The following UNC13C variants were observed in gnomAD, a reference collection of about 807,000 sequenced individuals.
The protein encoded by UNC13C is protein unc-13 homolog C.
In UNC13C, 174 loss-of-function variants were observed where a neutral mutation model predicts 245.4. The observed-to-expected ratio is 0.71, with a 90% CI of 0.63 to 0.80. UNC13C has a LOEUF of 0.80. Ranked by LOEUF, UNC13C falls within the 30% of genes least tolerant of loss-of-function variation. The pLI is 0.00. For synonymous variants in UNC13C, 992 were observed against 895.1 expected (o/e 1.11, Z -1.93); for missense variants, 2,829 against 2,602.9 (o/e 1.09, Z -1.89).
intron 22 of UNC13C, among the ~76,000 whole-genome samples, chr15:54,506,113 A>G (rs1182612441): frequency 6.6e-6 from 1 of 152,164 alleles, no homozygotes; most frequent in African/African-American, 2.4e-5. Context: ...GAATTAAAAA[A>G]TCTCACATGG....
chr15:53,853,557 G>C, the UNC13C span, among the ~76,000 whole-genome samples: 1 of 152,136 alleles, frequency 6.6e-6, no homozygotes, highest in African/African-American at 2.4e-5. Context: ...CTAGGTCTTT[G>C]AGAAAACTCT....
intron 4 of UNC13C, among the ~76,000 whole-genome samples, chr15:54,171,513 C>T (rs1000565500): frequency 1.3e-5 from 2 of 152,106 alleles, no homozygotes; most frequent in African/African-American, 4.8e-5. Flanking sequence ...TGCTCAATGT[C>T]ATTGATCACC....
chr15:54,411,654 A>T (rs1436492466), intron 18 of UNC13C, among the ~76,000 whole-genome samples: 1 of 152,188 alleles, frequency 6.6e-6, no homozygotes, highest in Admixed American at 6.5e-5. Context: ...CACTCTTGTA[A>T]GAGTAGCCAC....
intron 1 of UNC13C, among the ~76,000 whole-genome samples, chr15:53,994,256 A>G (rs1368086757): frequency 7.0e-6 from 1 of 143,154 alleles, no homozygotes; most frequent in Admixed American, 6.8e-5. Flanking sequence ...TGTATTACCT[A>G]TACTTATATG....
In UNC13C at chr15:54,084,160, C is replaced by G. The variant is rs1899109444; in HGVS notation, c.2984-58858C>G. 3.3e-5 allele frequency among the ~76,000 whole-genome samples: 5 copies of G among 152,206 alleles called. No homozygotes were observed. The South Asian group carries it at 1.0e-3, about 32-fold the overall frequency. On this transcript the variant is annotated intron_variant, in intron 2 of 32. Coordinates refer to ENST00000260323, the MANE Select transcript of UNC13C (RefSeq NM_001080534.3). ...TCTTGCTACTTTCCTTTTCTGCACCCCAGCTGTCCTGGCTCTCTTCCCTCA... is the reference window on the plus strand; with the variant it reads ...TCTTGCTACTTTCCTTTTCTGCACCGCAGCTGTCCTGGCTCTCTTCCCTCA...
intron 2 of UNC13C, among the ~76,000 whole-genome samples, chr15:54,090,300 CA>C (rs5812738): frequency 0.53 from 77,663 of 146,064 alleles, 20,975 homozygotes; most frequent in Non-Finnish European, 0.62. Flanking sequence ...CTATAGAAAA[CA>C]AAAAAAAAAA....
intron 17 of UNC13C, among the ~76,000 whole-genome samples, chr15:54,384,587 CGAAAATCTTTCTAGGGAAAGATT>C (rs1286564240): frequency 6.6e-6 from 1 of 151,842 alleles, no homozygotes; most frequent in African/African-American, 2.4e-5. Flanking sequence ...ATTGGTCTTC[CGAAAATCTTTCTAGGGAAAGATT>C]TTATGGCTAA....
At chr15:54,066,952 G>C (rs958691091) in intron 2 of UNC13C, among the ~76,000 whole-genome samples, 1 of 152,076 alleles carries the variant, frequency 6.6e-6, no homozygotes, top group East Asian at 1.9e-4. Flanking sequence ...TTTAATTTAG[G>C]AAGAATAGAT....
chr15:54,309,995 A>T (rs2037826575), intron 13 of UNC13C, among the ~76,000 whole-genome samples: 1 of 151,878 alleles, frequency 6.6e-6, no homozygotes, highest in African/African-American at 2.4e-5. Flanking sequence ...TACTTGCAAA[A>T]GTAAAGTCAA....
intron 4 of UNC13C, among the ~76,000 whole-genome samples, chr15:54,215,648 A>G (rs1184178483): frequency 1.3e-5 from 2 of 151,948 alleles, no homozygotes; most frequent in African/African-American, 4.8e-5. Flanking sequence ...TATCTTTAAA[A>G]TATTATGGCA....
At chr15:54,178,656 G>T (rs1190649634) in intron 4 of UNC13C, among the ~76,000 whole-genome samples, 1 of 152,056 alleles carries the variant, frequency 6.6e-6, no homozygotes, top group Non-Finnish European at 1.5e-5. Flanking sequence ...TGAATTAAGG[G>T]TCAGGCTTTG....
the UNC13C span, among the ~76,000 whole-genome samples, chr15:53,844,916 C>T: frequency 8.5e-5 from 13 of 152,218 alleles, no homozygotes; most frequent in East Asian, 2.5e-3. Context: ...CTTTGACTTT[C>T]TCAAGTTCAT....
At chr15:53,873,394 G>C in the UNC13C span, among the ~76,000 whole-genome samples, 1 of 152,024 alleles carries the variant, frequency 6.6e-6, no homozygotes, top group Non-Finnish European at 1.5e-5. Flanking sequence ...CTTGTTGCTC[G>C]CAAGATCGCT....
intron 10 of UNC13C, among the ~76,000 whole-genome samples, chr15:54,287,667 G>A (rs570718716): frequency 1.6e-4 from 24 of 152,142 alleles, no homozygotes; most frequent in Non-Finnish European, 1.5e-4. Context: ...GACAGCATCA[G>A]AATACTATTG....
rs1317881633 is a variant in UNC13C, at chr15:54,415,014, G to A, written c.4880G>A (p.Ser1627Asn). Residue 1627 changes from serine (S) to asparagine (N), a missense_variant, in exon 19 of 33, where the codon AGT (serine) becomes AAT (asparagine). Physicochemically the swap from Ser to Asn is conservative, Grantham distance 46. Coordinates refer to ENST00000260323, the MANE Select transcript of UNC13C (RefSeq NM_001080534.3). ...FPQELNMGKI[S>N]AEIMWTLFAL... ...CAAGAGCTGAACATGGGAAAAATAA[G>A]TGCCGAAATTATGTGGACTCTTTTT... The A allele has an allele frequency of 6.2e-7, 1 of 1,612,742 alleles. No homozygotes were observed.
chr15:54,544,980 G>C (rs1164299890), intron 26 of UNC13C, among the ~76,000 whole-genome samples: 1 of 152,104 alleles, frequency 6.6e-6, no homozygotes, highest in East Asian at 1.9e-4. Context: ...AAAAGAGCCT[G>C]TATAGCCAAG....
intron 18 of UNC13C, among the ~76,000 whole-genome samples, chr15:54,408,199 CA>C (rs71105808): frequency 1.6e-3 from 48 of 29,124 alleles, no homozygotes; most frequent in South Asian, 5.1e-3. Context: ...GACTCTGCCT[CA>C]AAAAAAAAAA....
chr15:53,989,561 T>G (rs1466021249), intron 1 of UNC13C, among the ~76,000 whole-genome samples: 1 of 152,046 alleles, frequency 6.6e-6, no homozygotes, highest in Admixed American at 6.6e-5. Flanking sequence ...GTTTTGTTTA[T>G]TATGCCACGT....
At chr15:53,952,536 ATGGTTATTTG>A in the UNC13C span, among the ~76,000 whole-genome samples, 1 of 152,192 alleles carries the variant, frequency 6.6e-6, no homozygotes, top group South Asian at 2.1e-4. Flanking sequence ...TCAAATTTTG[ATGGTTATTTG>A]AAACACCTTG....
Sources: allele counts gnomAD v4.1 joint callset (sites outside exome capture counted in the v4.1 genomes callset), GRCh38; gene constraint gnomAD v4.1.1; transcripts MANE v1.5; gene names NCBI Gene and HGNC (gene_info 2026-07-23, HGNC 2026-07-21).